PTPRM: variants seen among roughly 807,000 people sequenced by gnomAD.
PTPRM encodes receptor-type tyrosine-protein phosphatase mu.
In PTPRM, 47 loss-of-function variants were observed where a neutral mutation model predicts 186.7. That is an observed-to-expected ratio of 0.25 (90% CI 0.20 to 0.32). The LOEUF (loss-of-function observed/expected upper bound fraction) is 0.32. Ranked by LOEUF, PTPRM falls within the 10% of genes least tolerant of loss-of-function variation. The pLI, the probability that PTPRM is intolerant of heterozygous loss-of-function variation, is 1.00. For missense variants in PTPRM, 1,494 were observed against 1,865.0 expected (o/e 0.80, Z 3.66); for synonymous variants, 668 against 674.9 (o/e 0.99, Z 0.16).
intron 2 of PTPRM, among the ~76,000 whole-genome samples, chr18:7,834,143 G>C (rs529627231): frequency 6.6e-6 from 1 of 151,966 alleles, no homozygotes; most frequent in African/African-American, 2.4e-5. Context: ...TATCATGAAG[G>C]GCTGTTAATT....
Position 8,167,689 on chromosome 18 carries a change from G to A in PTPRM, c.2300+23910G>A, listed in dbSNP as rs1369361883. Among the ~76,000 whole-genome samples the A allele has an allele frequency of 3.3e-5, 5 of 152,042 alleles. No homozygotes were observed. In the East Asian group the frequency reaches 9.6e-4, roughly 29 times the overall value. On this transcript the variant is annotated intron_variant, in intron 14 of 32. Transcript: ENST00000580170. Reference sequence around the variant, plus strand: ...ATTCTCAACTCTGGACTGAAAAGATGCCATGCAGCAGGAGGAATTGCACTT... The same window carrying A: ...ATTCTCAACTCTGGACTGAAAAGATACCATGCAGCAGGAGGAATTGCACTT...
intron 1 of PTPRM, among the ~76,000 whole-genome samples, chr18:7,725,036 T>C (rs16952451): frequency 0.067 from 10,159 of 152,214 alleles, 883 homozygotes; most frequent in African/African-American, 0.19. Context: ...TATTCAACTT[T>C]CTCCTGAATT....
At chr18:7,757,614 A>G (rs980672739) in intron 1 of PTPRM, among the ~76,000 whole-genome samples, 2 of 152,146 alleles carry the variant, frequency 1.3e-5, no homozygotes, top group Non-Finnish European at 2.9e-5. Context: ...AAACACACAC[A>G]CCATGTGGGG....
chr18:7,700,974 T>C (rs1400471017), intron 1 of PTPRM, among the ~76,000 whole-genome samples: 1 of 15,982 alleles, frequency 6.3e-5, no homozygotes, highest in African/African-American at 5.3e-4. Context: ...AGAGCCTATC[T>C]CAAAAAAAAA....
chr18:7,598,547 A>G (rs1289485271), intron 1 of PTPRM, among the ~76,000 whole-genome samples: 2 of 152,242 alleles, frequency 1.3e-5, no homozygotes, highest in African/African-American at 4.8e-5. Context: ...ACCAAGTAAC[A>G]TTATTTTTAA....
chr18:8,219,694 C>T (rs2094132833), intron 14 of PTPRM, among the ~76,000 whole-genome samples: 1 of 152,080 alleles, frequency 6.6e-6, no homozygotes, highest in Non-Finnish European at 1.5e-5. Context: ...TAGATGGATT[C>T]AGAGATTCTT....
chr18:7,964,487 G>C (rs2053890539), intron 7 of PTPRM, among the ~76,000 whole-genome samples: 1 of 152,156 alleles, frequency 6.6e-6, no homozygotes, highest in Non-Finnish European at 1.5e-5. Flanking sequence ...AACAGTACCA[G>C]CATTGTCTTC....
At chr18:8,122,620 C>T (rs1349227616) in intron 13 of PTPRM, among the ~76,000 whole-genome samples, 1 of 152,184 alleles carries the variant, frequency 6.6e-6, no homozygotes, top group East Asian at 1.9e-4. Context: ...ATAGCAATAA[C>T]ATCAAACAGG....
At chr18:8,153,737 G>A (rs1244202032) in intron 14 of PTPRM, among the ~76,000 whole-genome samples, 1 of 152,148 alleles carries the variant, frequency 6.6e-6, no homozygotes, top group African/African-American at 2.4e-5. Context: ...AAGCAGAAAA[G>A]TTAAAGCATA....
intron 25 of PTPRM, 58 bp from the exon 26 acceptor site, chr18:8,376,404 A>T (rs2095695149): frequency 3.1e-6 from 5 of 1,606,580 alleles, no homozygotes; most frequent in Non-Finnish European, 4.3e-6. Flanking sequence ...AAATTTAAAA[A>T]GCAGCAGCAG....
At chr18:8,084,327 CA>C (rs1371312641) in intron 9 of PTPRM, among the ~76,000 whole-genome samples, 4 of 152,164 alleles carry the variant, frequency 2.6e-5, no homozygotes, top group African/African-American at 9.6e-5. Context: ...AATGGAGGAC[CA>C]AGTAATCATA....
chr18:7,651,866 C>A (rs1322398853), intron 1 of PTPRM, among the ~76,000 whole-genome samples: 1 of 151,746 alleles, frequency 6.6e-6, no homozygotes, highest in Admixed American at 6.6e-5. Context: ...TCTAAAACAC[C>A]AAAAGCAATG....
At chr18:8,354,303 C>T (rs940162079) in intron 23 of PTPRM, among the ~76,000 whole-genome samples, 1 of 151,824 alleles carries the variant, frequency 6.6e-6, no homozygotes, top group African/African-American at 2.4e-5. Context: ...GGAGGACTCA[C>T]AACAGAACAC....
intron 13 of PTPRM, among the ~76,000 whole-genome samples, chr18:8,128,876 G>A (rs185982966): frequency 6.6e-6 from 1 of 152,106 alleles, no homozygotes; most frequent in African/African-American, 2.4e-5. Flanking sequence ...ATACCATTTT[G>A]TGGTTTTCTT....
chr18:8,142,718 C>A (rs181259989), intron 13 of PTPRM, among the ~76,000 whole-genome samples: 11 of 152,302 alleles, frequency 7.2e-5, no homozygotes, highest in Admixed American at 2.0e-4. Context: ...TTCGGAATGA[C>A]CTGTCACCTA....
chr18:8,045,697 A>C (rs369161202), intron 7 of PTPRM, among the ~76,000 whole-genome samples: 1 of 152,292 alleles, frequency 6.6e-6, no homozygotes, highest in African/African-American at 2.4e-5. Context: ...AGTGACTGCT[A>C]ATGGATGTGG....
intron 19 of PTPRM, among the ~76,000 whole-genome samples, chr18:8,274,378 T>C (rs1364361046): frequency 2.0e-5 from 3 of 152,226 alleles, no homozygotes; most frequent in African/African-American, 7.2e-5. Context: ...TTTTAATGCT[T>C]TTTTAAAAAT....
At chr18:8,187,050 G>C (rs981703622) in intron 14 of PTPRM, among the ~76,000 whole-genome samples, 1 of 151,456 alleles carries the variant, frequency 6.6e-6, no homozygotes, top group East Asian at 2.0e-4. Context: ...AGCAATTCTC[G>C]TCTGTCAGCC....
At chr18:8,310,358 C>A (rs1324146172) in intron 20 of PTPRM, among the ~76,000 whole-genome samples, 1 of 151,536 alleles carries the variant, frequency 6.6e-6, no homozygotes, top group East Asian at 1.9e-4. Context: ...CTGTGGCTTC[C>A]CACGGTGCTC....
Sources: allele counts gnomAD v4.1 joint callset (sites outside exome capture counted in the v4.1 genomes callset), GRCh38; gene constraint gnomAD v4.1.1; transcripts MANE v1.5; gene names NCBI Gene and HGNC (gene_info 2026-07-23, HGNC 2026-07-21).